The following DPP10 variants were observed in gnomAD, a reference collection of about 807,000 sequenced individuals.
The protein encoded by DPP10 is dipeptidyl peptidase like 10, also known as inactive dipeptidyl peptidase 10.
DPP10 carries 33 observed loss-of-function variants against 120.9 expected under a neutral mutation model. The ratio of observed to expected loss-of-function variants is 0.27; its 90% CI spans 0.21 to 0.37. The LOEUF is 0.37. DPP10 is among the 10% of genes least tolerant of loss of function. The pLI is 1.00. For synonymous variants in DPP10, 337 were observed against 326.1 expected (o/e 1.03, Z -0.36); for missense variants, 816 against 942.8 (o/e 0.87, Z 1.76).
At chr2:114,612,256 A>AT (rs1693339184) in intron 1 of DPP10, among the ~76,000 whole-genome samples, 2 of 151,772 alleles carry the variant, frequency 1.3e-5, no homozygotes, top group Admixed American at 6.6e-5. Flanking sequence ...TTTTCATGGG[A>AT]TTTTCTCCTG....
At chr2:114,672,365 C>A (rs1698401295) in intron 1 of DPP10, among the ~76,000 whole-genome samples, 1 of 152,172 alleles carries the variant, frequency 6.6e-6, no homozygotes, top group Middle Eastern at 3.2e-3. Flanking sequence ...CTTTCTCTTT[C>A]TCCCCCCATT....
chr2:115,836,788 CT>C, intron 24 of DPP10, 42 bp downstream of exon 24: 1 of 1,576,234 alleles, frequency 6.3e-7, no homozygotes. Flanking sequence ...AGGGTATGAC[CT>C]TTTACAAAGG....
intron 1 of DPP10, among the ~76,000 whole-genome samples, chr2:115,160,738 C>CT (rs1383591527): frequency 2.6e-5 from 4 of 152,176 alleles, no homozygotes; most frequent in Non-Finnish European, 5.9e-5. Flanking sequence ...GAACTGTGGA[C>CT]TTTGTCTATC....
At chr2:115,440,385 TCCTC>T (rs2071918393) in intron 3 of DPP10, among the ~76,000 whole-genome samples, 1 of 151,982 alleles carries the variant, frequency 6.6e-6, no homozygotes, top group East Asian at 1.9e-4. Flanking sequence ...TGTATTATCT[TCCTC>T]CCTTTTTTCT....
chr2:115,725,091 T>C (rs2092734015), intron 7 of DPP10, among the ~76,000 whole-genome samples: 1 of 152,172 alleles, frequency 6.6e-6, no homozygotes, highest in African/African-American at 2.4e-5. Flanking sequence ...GGCGACTCAC[T>C]GAAGAAAATA....
At chr2:115,431,030 A>G (rs2070929133) in intron 3 of DPP10, among the ~76,000 whole-genome samples, 1 of 152,238 alleles carries the variant, frequency 6.6e-6, no homozygotes, top group African/African-American at 2.4e-5. Flanking sequence ...TTAAACAGAT[A>G]TGATACTAGC....
intron 1 of DPP10, among the ~76,000 whole-genome samples, chr2:115,025,107 A>G (rs1703365306): frequency 6.6e-6 from 1 of 151,996 alleles, no homozygotes; most frequent in South Asian, 2.1e-4. Flanking sequence ...ATTAGGTCTT[A>G]GATCTTTTAT....
intron 1 of DPP10, among the ~76,000 whole-genome samples, chr2:114,943,062 C>T (rs1007244079): frequency 6.6e-6 from 1 of 152,052 alleles, no homozygotes; most frequent in South Asian, 2.1e-4. Context: ...CCTCCACCCC[C>T]CAGCAGGCCC....
chr2:114,601,928 T>C (rs75193988), intron 1 of DPP10, among the ~76,000 whole-genome samples: 2,390 of 151,946 alleles, frequency 0.016, 81 homozygotes, highest in African/African-American at 0.055. Flanking sequence ...ATAAATGAGA[T>C]TGCACACTTA....
intron 5 of DPP10, among the ~76,000 whole-genome samples, chr2:115,622,510 C>CTTTTTTTTTTTTTTTTTTTTTTTTTTG: frequency 8.5e-6 from 1 of 117,448 alleles, no homozygotes; most frequent in Non-Finnish European, 1.7e-5. Context: ...ATTTTATTGT[C>CTTTTTTTTTTTTTTTTTTTTTTTTTTG]TTTTTTTTTT....
chr2:115,550,477 C>G (rs12623463), intron 5 of DPP10, among the ~76,000 whole-genome samples: 14,935 of 152,078 alleles, frequency 0.098, 1,377 homozygotes, highest in East Asian at 0.24. Context: ...ATATGCATAG[C>G]ACATTATTTA....
intron 2 of DPP10, among the ~76,000 whole-genome samples, chr2:115,333,416 C>T (rs1390270766): frequency 2.0e-5 from 3 of 152,080 alleles, no homozygotes; most frequent in Non-Finnish European, 4.4e-5. Flanking sequence ...GCATTTGGCC[C>T]ATTTACATTT....
intron 1 of DPP10, among the ~76,000 whole-genome samples, chr2:115,012,389 A>C (rs1281438937): frequency 6.6e-6 from 1 of 152,128 alleles, no homozygotes; most frequent in African/African-American, 2.4e-5. Context: ...CAAAACCAGC[A>C]CATTAAACAA....
intron 3 of DPP10, among the ~76,000 whole-genome samples, chr2:115,417,437 T>G (rs1253359167): frequency 6.6e-6 from 1 of 152,194 alleles, no homozygotes; most frequent in South Asian, 2.1e-4. Context: ...CTTATATACA[T>G]GTTGGTAATA....
chr2:114,528,512 T>A (rs1440655881), intron 1 of DPP10, among the ~76,000 whole-genome samples: 2 of 151,970 alleles, frequency 1.3e-5, no homozygotes, highest in African/African-American at 2.4e-5. Flanking sequence ...ACTGCACTAT[T>A]CATTCATGTT....
intron 5 of DPP10, among the ~76,000 whole-genome samples, chr2:115,658,475 C>T (rs1386158308): frequency 2.0e-5 from 3 of 151,770 alleles, no homozygotes; most frequent in East Asian, 1.9e-4. Flanking sequence ...CATTAGTTCT[C>T]GCTTGCTATA....
intron 1 of DPP10, among the ~76,000 whole-genome samples, chr2:114,618,046 G>T (rs1693807532): frequency 1.3e-5 from 2 of 152,120 alleles, no homozygotes; most frequent in East Asian, 3.9e-4. Flanking sequence ...TACCAAATGG[G>T]TCCACGCAGT....
Position 115,509,346 on chromosome 2 carries a change from G to A in DPP10, c.366+9742G>A, listed in dbSNP as rs538595920. ...TAAGAATGTAGTGGTTGGTGATGGC[G>A]GTTAGAATGATGTATCAGGGATAAT... On this transcript the variant is annotated intron_variant, in intron 4 of 25. Coordinates refer to ENST00000410059, the MANE Select transcript of DPP10 (RefSeq NM_020868.6). Among the ~76,000 whole-genome samples the A allele has an allele frequency of 4.2e-4, 64 of 152,230 alleles. 1 individual carries two copies. Among genetic ancestry groups the A allele is most frequent in the African/African-American group, 1.4e-3 (60 of 41,546 alleles).
At chr2:115,687,368 C>T (rs924022881) in intron 5 of DPP10, among the ~76,000 whole-genome samples, 1 of 152,014 alleles carries the variant, frequency 6.6e-6, no homozygotes, top group Non-Finnish European at 1.5e-5. Context: ...GCTGGGAACA[C>T]ACACACATGC....
Sources: allele counts gnomAD v4.1 joint callset (sites outside exome capture counted in the v4.1 genomes callset), GRCh38; gene constraint gnomAD v4.1.1; transcripts MANE v1.5; gene names NCBI Gene and HGNC (gene_info 2026-07-23, HGNC 2026-07-21).